Variants in BICC1 observed in about 807,000 individuals in gnomAD.
The protein encoded by BICC1 is protein bicaudal C homolog 1.
BICC1 carries 43 observed loss-of-function variants against 111.0 expected under a neutral mutation model. The ratio of observed to expected loss-of-function variants is 0.39; its 90% CI spans 0.30 to 0.50. BICC1 has a LOEUF of 0.50. BICC1 is among the 20% of genes least tolerant of loss of function. The pLI, the probability that BICC1 is intolerant of heterozygous loss-of-function variation, is 0.88. For missense variants in BICC1, 1,091 were observed against 1,203.2 expected (o/e 0.91, Z 1.38); for synonymous variants, 467 against 434.4 (o/e 1.07, Z -0.93).
chr10:58,572,349 T>A (rs902731092), intron 1 of BICC1, among the ~76,000 whole-genome samples: 1 of 152,162 alleles, frequency 6.6e-6, no homozygotes, highest in Non-Finnish European at 1.5e-5. Context: ...ATTTGTCAAT[T>A]TTTGCTTTTG....
intron 1 of BICC1, among the ~76,000 whole-genome samples, chr10:58,575,210 G>T (rs988396478): frequency 3.9e-5 from 6 of 151,914 alleles, no homozygotes; most frequent in African/African-American, 1.5e-4. Context: ...AGGCCCCGGT[G>T]TATGATGTCC....
At chr10:58,607,773 G>A (rs780564216) in intron 1 of BICC1, among the ~76,000 whole-genome samples, 87 of 152,128 alleles carry the variant, frequency 5.7e-4, no homozygotes, top group South Asian at 2.1e-4. Flanking sequence ...GAATGACCTC[G>A]TATGCTGATA....
intron 1 of BICC1, among the ~76,000 whole-genome samples, chr10:58,597,932 T>C (rs1484073066): frequency 2.6e-5 from 4 of 152,144 alleles, no homozygotes; most frequent in African/African-American, 9.7e-5. Context: ...CAAACACACA[T>C]GTTTTACAAT....
intron 2 of BICC1, among the ~76,000 whole-genome samples, chr10:58,626,005 G>A (rs1845979398): frequency 1.3e-5 from 2 of 152,136 alleles, no homozygotes; most frequent in African/African-American, 2.4e-5. Context: ...CTGAGTCTGT[G>A]CTTAAACACA....
rs1469307162 is a variant in BICC1, at chr10:58,512,901, G to A, written c.-243G>A. 1.4e-5 allele frequency among the ~76,000 whole-genome samples: 2 copies of A among 147,508 alleles called. No homozygotes were observed. Among genetic ancestry groups the A allele is most frequent in the East Asian group, 3.9e-4 (2 of 5,094 alleles). On this transcript the variant is annotated 5_prime_UTR_variant, in exon 1 of 21. Coordinates refer to ENST00000373886, the MANE Select transcript of BICC1 (RefSeq NM_001080512.3). Reference sequence around the variant, plus strand: ...CGCGCGGGCGTTGCTGGCGGGGGGCGGCGCAGCCACTGGACCCGGACCGGG... The same window carrying A: ...CGCGCGGGCGTTGCTGGCGGGGGGCAGCGCAGCCACTGGACCCGGACCGGG...
At chr10:58,704,768 C>T (rs1840340681) in intron 3 of BICC1, among the ~76,000 whole-genome samples, 1 of 152,202 alleles carries the variant, frequency 6.6e-6, no homozygotes, top group Non-Finnish European at 1.5e-5. Context: ...GGAATATACA[C>T]ATAATCCCCA....
intron 3 of BICC1, among the ~76,000 whole-genome samples, chr10:58,767,647 G>A (rs1223927973): frequency 6.6e-6 from 1 of 152,124 alleles, no homozygotes; most frequent in African/African-American, 2.4e-5. Context: ...AGGACACTTA[G>A]CAGGCTACAA....
At chr10:58,681,145 A>C (rs1159425139) in intron 2 of BICC1, among the ~76,000 whole-genome samples, 3 of 152,230 alleles carry the variant, frequency 2.0e-5, no homozygotes, top group Admixed American at 2.0e-4. Context: ...ACCAAAAGCA[A>C]TGGCAACAAA....
At chr10:58,541,340 AAAC>A (rs1842975679) in intron 1 of BICC1, among the ~76,000 whole-genome samples, 2 of 152,136 alleles carry the variant, frequency 1.3e-5, no homozygotes, top group Non-Finnish European at 2.9e-5. Flanking sequence ...TAGAACTAAT[AAAC>A]AAATTTAGCA....
intron 20 of BICC1, among the ~76,000 whole-genome samples, chr10:58,820,961 TTA>T (rs1348469950): frequency 2.0e-5 from 3 of 152,134 alleles, no homozygotes; most frequent in African/African-American, 7.2e-5. Context: ...TTAATAGAAT[TTA>T]TGAGTCACAG....
intron 2 of BICC1, among the ~76,000 whole-genome samples, chr10:58,639,900 A>G (rs1352253465): frequency 6.6e-6 from 1 of 151,674 alleles, no homozygotes; most frequent in East Asian, 1.9e-4. Context: ...TTTTGTAGAG[A>G]CAGGGTTTCG....
At chr10:58,696,864 A>T (rs1840078835) in intron 2 of BICC1, among the ~76,000 whole-genome samples, 1 of 152,168 alleles carries the variant, frequency 6.6e-6, no homozygotes, top group Admixed American at 6.5e-5. Context: ...TGTGGTGGTG[A>T]AAACAGGGAC....
intron 1 of BICC1, among the ~76,000 whole-genome samples, chr10:58,532,300 TG>T (rs1268018460): frequency 8.2e-5 from 9 of 109,478 alleles, no homozygotes; most frequent in African/African-American, 2.8e-4. Flanking sequence ...GTATGTATTA[TG>T]AAAAAAAAAA....
intron 3 of BICC1, among the ~76,000 whole-genome samples, chr10:58,783,617 TGTG>T (rs1842937175): frequency 2.1e-4 from 2 of 9,454 alleles, no homozygotes; most frequent in African/African-American, 3.8e-4. Context: ...TTGTGAAAGG[TGTG>T]AAAGGTGTGA....
chr10:58,520,659 C>CTTA (rs1427740278), intron 1 of BICC1, among the ~76,000 whole-genome samples: 2 of 152,078 alleles, frequency 1.3e-5, no homozygotes, highest in African/African-American at 4.8e-5. Context: ...AACTGTATCT[C>CTTA]TTATATAGAA....
At chr10:58,760,361 A>G (rs1161185004) in intron 3 of BICC1, among the ~76,000 whole-genome samples, 2 of 152,174 alleles carry the variant, frequency 1.3e-5, no homozygotes, top group African/African-American at 4.8e-5. Context: ...CGCAGCATTC[A>G]TATATTACGC....
intron 3 of BICC1, among the ~76,000 whole-genome samples, chr10:58,740,981 C>A (rs970917003): frequency 6.6e-6 from 1 of 152,172 alleles, no homozygotes; most frequent in African/African-American, 2.4e-5. Flanking sequence ...ACAATGTGAA[C>A]GCTGTCCCTG....
chr10:58,563,957 G>A (rs568538596), intron 1 of BICC1, among the ~76,000 whole-genome samples: 40 of 151,998 alleles, frequency 2.6e-4, no homozygotes, highest in Middle Eastern at 3.4e-3. Context: ...TATTTTGTAC[G>A]GCTCTTTCTT....
intron 3 of BICC1, among the ~76,000 whole-genome samples, chr10:58,755,900 A>C (rs1842130518): frequency 6.6e-6 from 1 of 152,084 alleles, no homozygotes; most frequent in South Asian, 2.1e-4. Flanking sequence ...TAGTCACCTC[A>C]CAGTTCTGCT....
Sources: gnomAD v4.1 joint callset for allele counts (sites outside exome capture counted in the v4.1 genomes callset) on GRCh38, gnomAD v4.1.1 for gene constraint, MANE v1.5 for transcripts, NCBI Gene and HGNC (gene_info 2026-07-23, HGNC 2026-07-21) for gene names.